SPAG16: variants seen among roughly 807,000 people sequenced by gnomAD.
SPAG16 encodes the protein sperm associated antigen 16, also known as sperm-associated antigen 16 protein.
SPAG16 carries 86 observed loss-of-function variants against 80.4 expected under a neutral mutation model. The ratio of observed to expected loss-of-function variants is 1.07; its 90% CI spans 0.90 to 1.28. SPAG16 has a LOEUF of 1.28. SPAG16 is among the 50% of genes most tolerant of loss of function. The pLI is 0.00. For synonymous variants in SPAG16, 294 were observed against 265.9 expected (o/e 1.11, Z -1.03); for missense variants, 870 against 765.3 (o/e 1.14, Z -1.61).
chr2:214,216,235 TA>T (rs1392934018), intron 15 of SPAG16, among the ~76,000 whole-genome samples: 12 of 152,214 alleles, frequency 7.9e-5, no homozygotes, highest in African/African-American at 2.7e-4. Flanking sequence ...TAGTATCTTA[TA>T]ATGAATGAAA....
chr2:214,380,581 A>G (rs917351042), intron 15 of SPAG16, among the ~76,000 whole-genome samples: 1 of 152,238 alleles, frequency 6.6e-6, no homozygotes, highest in Non-Finnish European at 1.5e-5. Flanking sequence ...ATTTACTGGC[A>G]TGTATGTTGT....
chr2:213,490,657 A>G (rs2074197146), intron 10 of SPAG16, among the ~76,000 whole-genome samples: 1 of 152,192 alleles, frequency 6.6e-6, no homozygotes, highest in Non-Finnish European at 1.5e-5. Context: ...TGTAGAAAAT[A>G]TGCATATATA....
chr2:213,811,327 G>A (rs1044145254), intron 10 of SPAG16, among the ~76,000 whole-genome samples: 3 of 151,998 alleles, frequency 2.0e-5, no homozygotes, highest in East Asian at 1.9e-4. Context: ...TACAGTAATC[G>A]TTAGCTGTGA....
chr2:214,196,529 G>C (rs2057844039), intron 15 of SPAG16, among the ~76,000 whole-genome samples: 1 of 152,028 alleles, frequency 6.6e-6, no homozygotes, highest in Admixed American at 6.6e-5. Context: ...ATATCACTTA[G>C]TCCCAGAATA....
intron 9 of SPAG16, among the ~76,000 whole-genome samples, chr2:213,466,005 A>G (rs1245435624): frequency 6.6e-6 from 1 of 152,250 alleles, no homozygotes; most frequent in Non-Finnish European, 1.5e-5. Context: ...ATAAGCTGCC[A>G]GCATGGCTAG....
chr2:213,532,386 G>T (rs1213233314), intron 10 of SPAG16, among the ~76,000 whole-genome samples: 1 of 151,676 alleles, frequency 6.6e-6, no homozygotes, highest in Non-Finnish European at 1.5e-5. Flanking sequence ...ATTTGGAGGC[G>T]CTTCAAGGCA....
intron 15 of SPAG16, among the ~76,000 whole-genome samples, chr2:214,208,952 T>A (rs531796562): frequency 2.0e-5 from 3 of 152,312 alleles, no homozygotes; most frequent in African/African-American, 7.2e-5. Flanking sequence ...GTTTTTGTTT[T>A]TATGGTTACG....
intron 12 of SPAG16, among the ~76,000 whole-genome samples, chr2:213,985,811 T>A (rs2045970971): frequency 1.3e-5 from 2 of 151,966 alleles, no homozygotes; most frequent in Non-Finnish European, 2.9e-5. Flanking sequence ...GACAAGGAAA[T>A]AGCAGAGGCT....
chr2:213,785,362 T>C (rs1319548129), intron 10 of SPAG16, among the ~76,000 whole-genome samples: 1 of 152,190 alleles, frequency 6.6e-6, no homozygotes, highest in African/African-American at 2.4e-5. Flanking sequence ...TTGAACAGGA[T>C]GATCTTAAAA....
intron 11 of SPAG16, among the ~76,000 whole-genome samples, chr2:213,880,108 C>A (rs1361963613): frequency 6.6e-6 from 1 of 152,114 alleles, no homozygotes; most frequent in Admixed American, 6.5e-5. Context: ...AGTGTATAAG[C>A]ATTCCCTTTT....
intron 10 of SPAG16, among the ~76,000 whole-genome samples, chr2:213,749,196 A>T (rs2067971973): frequency 6.6e-6 from 1 of 151,578 alleles, no homozygotes; most frequent in Admixed American, 6.6e-5. Context: ...ACTCAGAAAA[A>T]CTTTATTTGC....
At chr2:214,239,618 G>C (rs1689323503) in intron 15 of SPAG16, 1 of 152,000 alleles carries the variant, frequency 6.6e-6, no homozygotes, top group South Asian at 2.1e-4. Context: ...CATTTATTTA[G>C]CTATTTTCAG....
intron 12 of SPAG16, among the ~76,000 whole-genome samples, chr2:213,967,060 TCA>T (rs1478816378): frequency 1.3e-5 from 2 of 152,202 alleles, no homozygotes; most frequent in Non-Finnish European, 2.9e-5. Flanking sequence ...ATAACTTAGT[TCA>T]ATCTAATTCT....
At chr2:213,374,454 TGA>T (rs1041162523) in intron 8 of SPAG16, among the ~76,000 whole-genome samples, 1 of 152,078 alleles carries the variant, frequency 6.6e-6, no homozygotes, top group African/African-American at 2.4e-5. Context: ...TAGAAAAATG[TGA>T]GAGACTTTTT....
intron 10 of SPAG16, among the ~76,000 whole-genome samples, chr2:213,520,090 G>GAC (rs1399953206): frequency 6.8e-6 from 1 of 147,976 alleles, no homozygotes; most frequent in Non-Finnish European, 1.5e-5. Flanking sequence ...AAGAGCAAGA[G>GAC]AGAGAGAGAG....
At chr2:214,193,224 G>T (rs564583000) in intron 15 of SPAG16, among the ~76,000 whole-genome samples, 84 of 152,008 alleles carry the variant, frequency 5.5e-4, no homozygotes, top group African/African-American at 1.9e-3. Context: ...TGAGCAATTA[G>T]CAGCCAACAC....
intron 15 of SPAG16, among the ~76,000 whole-genome samples, chr2:214,291,899 G>A (rs562263720): frequency 4.6e-5 from 7 of 152,078 alleles, no homozygotes; most frequent in East Asian, 1.9e-4. Context: ...TTGTCTTTTC[G>A]CTTCCAGATT....
At chr2:214,002,121 G>C (rs2046818489) in intron 12 of SPAG16, among the ~76,000 whole-genome samples, 1 of 151,928 alleles carries the variant, frequency 6.6e-6, no homozygotes, top group South Asian at 2.1e-4. Context: ...CTATCTCCCT[G>C]ATTCAATCAT....
rs188423454 is a variant in SPAG16, at chr2:214,128,285, G to C, written c.1593+20024G>C. ...GCCCAGTTGGGTGGCCACATTAATT[G>C]TGCATATGTGTCATATTATGATTGC... On this transcript the variant is annotated intron_variant, in intron 14 of 15. Coordinates refer to ENST00000331683, the MANE Select transcript of SPAG16 (RefSeq NM_024532.5). Among the ~76,000 whole-genome samples the C allele has an allele frequency of 1.3e-5, 2 of 151,954 alleles. 1 individual carries two copies. The highest frequency in any genetic ancestry group is 1.3e-4 in the Admixed American group (2 of 15,000).
Sources: gnomAD v4.1 joint callset for allele counts (sites outside exome capture counted in the v4.1 genomes callset) on GRCh38, gnomAD v4.1.1 for gene constraint, MANE v1.5 for transcripts, NCBI Gene and HGNC (gene_info 2026-07-23, HGNC 2026-07-21) for gene names.